The following MOV10L1 variants were observed in gnomAD, a reference collection of about 807,000 sequenced individuals.
MOV10L1 encodes Mov10 like RNA helicase 1.
Under a neutral mutation model 143.8 loss-of-function variants are expected in MOV10L1, and 110 were observed. That is an observed-to-expected ratio of 0.76 (90% CI 0.66 to 0.90). The LOEUF is 0.90. MOV10L1 is among the 40% of genes least tolerant of loss of function. MOV10L1 has a pLI of 0.00. For synonymous variants in MOV10L1, 593 were observed against 581.1 expected, an observed-to-expected ratio of 1.02 and a Z score of -0.29; for missense variants, 1,406 against 1,526.8, an observed-to-expected ratio of 0.92 and a Z score of 1.32.
chr22:50,160,655 G>A (rs1358633526), intron 24 of MOV10L1, 33 bp from the exon 25 acceptor site: 8 of 1,591,622 alleles, frequency 5.0e-6, no homozygotes, highest in Middle Eastern at 1.7e-4. Flanking sequence ...AAAACTTCAA[G>A]TGCCATTTTT....
At chr22:50,090,430 C>T (rs1479633253) in intron 1 of MOV10L1, 11 of 1,596,254 alleles carry the variant, frequency 6.9e-6, no homozygotes, top group South Asian at 1.1e-5. Flanking sequence ...CTCTTCCCGC[C>T]CTCACTTTGT....
chr22:50,108,647 C>T lies in MOV10L1; in HGVS notation c.556-10C>T. The T allele has an allele frequency of 3.1e-6, 5 of 1,613,816 alleles. No individual in the cohort carries two copies. Among genetic ancestry groups the T allele is most frequent in the Non-Finnish European group, 4.2e-6 (5 of 1,179,822 alleles). On this transcript the variant is annotated splice_polypyrimidine_tract_variant and intron_variant, in intron 4 of 26. Transcript: ENST00000262794. ...TCTGCTTCCTGTGACGCTCAGCTCT[C>T]TGCTCCCAGGTCTGCATCTCTAGCC... is the stretch of plus-strand genomic sequence containing the variant.
rs2062907055 is a variant in MOV10L1, at chr22:50,138,934, C to A, written c.2071-3147C>A. ...GATCAGGCTGGTCTCAAACTCCTGA[C>A]CTCATGATCCGCCCACCTCAGCCTC... On this transcript the variant is annotated intron_variant, in intron 15 of 26. Transcript: ENST00000262794. Among the ~76,000 whole-genome samples, 3 of 151,968 alleles carry A rather than the reference C, an allele frequency of 2.0e-5. No homozygotes were observed. In the South Asian group the frequency reaches 6.2e-4, roughly 32 times the overall value.
intron 9 of MOV10L1, 78 bp downstream of exon 9, chr22:50,117,429 C>A: frequency 6.8e-7 from 1 of 1,460,794 alleles, no homozygotes; most frequent in Non-Finnish European, 9.3e-7. Context: ...CACTGGCAAG[C>A]GGTGGCTACC....
chr22:50,155,432 C>T (rs4838855), intron 22 of MOV10L1, among the ~76,000 whole-genome samples: 33,216 of 150,768 alleles, frequency 0.22, 4,022 homozygotes, highest in Admixed American at 0.36. Context: ...AACTAATTTT[C>T]GTATTTTTAC....
At chr22:50,141,603 G>A (rs980493561) in intron 15 of MOV10L1, among the ~76,000 whole-genome samples, 1 of 151,646 alleles carries the variant, frequency 6.6e-6, no homozygotes, top group South Asian at 2.1e-4. Flanking sequence ...GCCTCCCACA[G>A]TGGTGGGATG....
chr22:50,116,233 G>GT (rs891037769), intron 8 of MOV10L1, among the ~76,000 whole-genome samples: 4 of 150,840 alleles, frequency 2.7e-5, no homozygotes, highest in South Asian at 2.1e-4. Context: ...ATAGAAACAG[G>GT]TTTTTTCAAA....
At chr22:50,125,777 G>GTTTT (rs1334250715) in intron 11 of MOV10L1, among the ~76,000 whole-genome samples, 2 of 151,780 alleles carry the variant, frequency 1.3e-5, no homozygotes, top group African/African-American at 4.8e-5. Context: ...CCCCAGTAAT[G>GTTTT]TTTTTGTTTG....
At chr22:50,117,631 C>T (rs1458595982) in intron 9 of MOV10L1, among the ~76,000 whole-genome samples, 2 of 152,186 alleles carry the variant, frequency 1.3e-5, no homozygotes, top group Admixed American at 1.3e-4. Context: ...CTGGCAGTTC[C>T]AAGGTGGCTC....
chr22:50,108,610 C>T (rs763870223), intron 4 of MOV10L1, 47 bp from the exon 5 acceptor site: 63 of 1,600,972 alleles, frequency 3.9e-5, no homozygotes, highest in South Asian at 2.7e-4. Flanking sequence ...TGCGCCCTGT[C>T]GTCATGCAGC....
rs370037916 is a variant in MOV10L1 at position 50,148,854 on chromosome 22, C to T, written c.2628-761C>T. Among the ~76,000 whole-genome samples, 47 of 152,058 alleles carry T rather than the reference C, an allele frequency of 3.1e-4. 3 individuals are homozygous for T. Among genetic ancestry groups the T allele is most frequent in the Admixed American group, 1.4e-3 (21 of 15,266 alleles). ...AATTTTTTTGTATTTTGAGTAGAGACGGGGTTTCACCGTGTTAGCCAGGAT... is the reference window on the plus strand; with the variant it reads ...AATTTTTTTGTATTTTGAGTAGAGATGGGGTTTCACCGTGTTAGCCAGGAT... On this transcript the variant is annotated intron_variant, in intron 19 of 26. Transcript: ENST00000262794.
chr22:50,155,869 A>G (rs935450628), intron 22 of MOV10L1, among the ~76,000 whole-genome samples: 10 of 152,300 alleles, frequency 6.6e-5, no homozygotes, highest in African/African-American at 2.4e-4. Flanking sequence ...AGGACAACAT[A>G]GCAAGACCCT....
At chr22:50,127,797 G>T (rs370034043) in intron 12 of MOV10L1, among the ~76,000 whole-genome samples, 167 of 151,014 alleles carry the variant, frequency 1.1e-3, no homozygotes, top group African/African-American at 3.9e-3. Flanking sequence ...TTTTGAGATG[G>T]ATTCTCACTC....
At position 50,114,424 on chromosome 22, in the gene MOV10L1, G is replaced by T. The variant is rs2062111432; in HGVS notation, c.928G>T (p.Ala310Ser). Residue 310 changes from alanine to serine, a missense_variant, in exon 7 of 27, where the codon GCT becomes TCT. Transcript: ENST00000262794. ...TCAAAACTTAGTCAGCTGTAAACTG[G>T]CTGGCTGGGATAAATCTAAACAATT... Reference protein sequence around the residue: ...IPQNLVSCKLAGWDKSKQFRF... With the variant: ...IPQNLVSCKLSGWDKSKQFRF... The T allele has an allele frequency of 1.2e-6, 2 of 1,614,022 alleles. No individual in the cohort carries two copies. Among genetic ancestry groups the T allele is most frequent in the Non-Finnish European group, 1.7e-6 (2 of 1,179,998 alleles).
In MOV10L1 at chr22:50,150,885, C is replaced by T. The variant is rs1036998303; in HGVS notation, c.2878C>T (p.His960Tyr). The T allele has an allele frequency of 1.2e-5, 20 of 1,614,074 alleles. No homozygotes were observed. The highest frequency in any genetic ancestry group is 1.7e-5 in the Admixed American group (1 of 60,008). The change falls in exon 21 of 27, where the codon CAT becomes TAT. Residue 960 changes from histidine (H) to tyrosine (Y), a missense_variant. Around this residue, in one of 3 missense-constraint regions of MOV10L1, gnomAD observed 1,233 missense variants for 1,351.4 expected, o/e 0.91. Transcript: ENST00000262794. ...AAATGCTTTCGGTGCTTGTGGCGCA[C>T]ATAATCCCCTGTTGGTGAGTCACAG... ...DENAFGACGA[H>Y]NPLLVTKLVK... is the part of the protein sequence containing the mutation.
intron 9 of MOV10L1, among the ~76,000 whole-genome samples, chr22:50,118,626 G>A (rs887851525): frequency 1.3e-5 from 2 of 152,178 alleles, no homozygotes; most frequent in Non-Finnish European, 2.9e-5. Flanking sequence ...GTAGAATCTG[G>A]GATTAATAGG....
At chr22:50,097,937 A>G (rs973212064) in intron 2 of MOV10L1, among the ~76,000 whole-genome samples, 1 of 152,006 alleles carries the variant, frequency 6.6e-6, no homozygotes, top group African/African-American at 2.4e-5. Context: ...TGGTTCAAGC[A>G]ATTCTCATGC....
intron 5 of MOV10L1, among the ~76,000 whole-genome samples, chr22:50,112,358 C>T (rs1006746978): frequency 2.6e-5 from 4 of 152,318 alleles, no homozygotes; most frequent in South Asian, 2.1e-4. Flanking sequence ...ATGTCTGAGT[C>T]GGACTCCTCA....
chr22:50,130,327 G>A (rs533367854), intron 13 of MOV10L1, among the ~76,000 whole-genome samples: 2 of 151,846 alleles, frequency 1.3e-5, no homozygotes, highest in African/African-American at 2.4e-5. Context: ...ATTAACAGAA[G>A]GTGCTAGTTT....
Sources: gnomAD v4.1 joint callset for allele counts (sites outside exome capture counted in the v4.1 genomes callset) on GRCh38, gnomAD v4.1.1 for gene constraint, gnomAD v4.1.1 regional missense constraint, MANE v1.5 for transcripts, NCBI Gene and HGNC (gene_info 2026-07-23, HGNC 2026-07-21) for gene names.